The following ART3 variants were observed in gnomAD, a reference collection of about 807,000 sequenced individuals.
ART3 encodes the protein ecto-ADP-ribosyltransferase 3.
ART3 carries 49 observed loss-of-function variants against 48.5 expected under a neutral mutation model. That is an observed-to-expected ratio of 1.01 (90% CI 0.80 to 1.28). The LOEUF is 1.28. Ranked by LOEUF, ART3 falls within the 50% of genes most tolerant of loss-of-function variation. ART3 has a pLI of 0.00. For synonymous variants in ART3, 145 were observed against 157.2 expected (o/e 0.92, Z 0.58); for missense variants, 438 against 454.3 (o/e 0.96, Z 0.33).
At chr4:76,048,444 G>A (rs1307659377) in intron 1 of ART3, among the ~76,000 whole-genome samples, 1 of 151,800 alleles carries the variant, frequency 6.6e-6, no homozygotes, top group Non-Finnish European at 1.5e-5. Context: ...TGCATTTCAA[G>A]GGTGAGCCTG....
intron 3 of ART3, among the ~76,000 whole-genome samples, chr4:76,084,120 A>C (rs1229683754): frequency 6.6e-6 from 1 of 152,022 alleles, no homozygotes; most frequent in Non-Finnish European, 1.5e-5. Context: ...AGAAATATAA[A>C]TTTCTTCTTT....
At chr4:76,015,316 T>C (rs1243580011) in intron 1 of ART3, among the ~76,000 whole-genome samples, 2 of 152,186 alleles carry the variant, frequency 1.3e-5, no homozygotes, top group Non-Finnish European at 2.9e-5. Context: ...GCAGAGTGTG[T>C]TTGTTTACTG....
intron 1 of ART3, 27 bp from the exon 2 acceptor site, chr4:76,075,854 A>G: frequency 6.4e-7 from 1 of 1,572,976 alleles, no homozygotes; most frequent in Non-Finnish European, 8.7e-7. Context: ...GAGTCTACTG[A>G]ATTGAAATTT....
intron 1 of ART3, chr4:76,034,513 C>G (rs899972908): frequency 3.9e-6 from 2 of 518,428 alleles, no homozygotes; most frequent in Non-Finnish European, 3.3e-6. Context: ...TGGTAACCAG[C>G]CTTTCTTAAG....
chr4:76,107,994 G>T (rs751003569), intron 11 of ART3, among the ~76,000 whole-genome samples: 1 of 151,440 alleles, frequency 6.6e-6, no homozygotes, highest in East Asian at 1.9e-4. Context: ...TTCGATAATC[G>T]TTTTCCATTG....
At chr4:76,104,412 C>T in intron 9 of ART3, 185 bp from the exon 10 acceptor site, 1 of 985,376 alleles carries the variant, frequency 1.0e-6, no homozygotes, top group Non-Finnish European at 1.2e-6. Context: ...CAGAAGACTC[C>T]TCTAATCATG....
chr4:76,107,551 A>G (rs1233075249), intron 10 of ART3: 1 of 374,538 alleles, frequency 2.7e-6, no homozygotes, highest in South Asian at 6.9e-5. Context: ...TTTTATGTAA[A>G]CACATATTGA....
chr4:76,086,303 G>C (rs913413078), intron 3 of ART3, among the ~76,000 whole-genome samples: 1 of 152,184 alleles, frequency 6.6e-6, no homozygotes. Flanking sequence ...CTTAAAAAAA[G>C]AGAGAGATTC....
rs1009399106 is a variant in ART3 at position 76,082,145 on chromosome 4, T to A, written c.391T>A (p.Tyr131Asn). 2.5e-6 allele frequency: 4 copies of A among 1,614,102 alleles called. No homozygotes were observed. In the African/African-American group the frequency reaches 5.3e-5, roughly 22 times the overall value. ...MAGQSREDYI[Y>N]GFQFKAFHFY... Reference sequence around the variant, plus strand: ...TGGCCAATCTCGAGAAGATTATATCTATGGCTTCCAGTTCAAAGCTTTCCA... The same window carrying A: ...TGGCCAATCTCGAGAAGATTATATCAATGGCTTCCAGTTCAAAGCTTTCCA... The change falls in exon 3 of 12, where the codon TAT (tyrosine) becomes AAT (asparagine). Residue 131 changes from tyrosine to asparagine, a missense_variant. Transcript: ENST00000355810.
At chr4:76,096,387 A>G (rs573758596) in intron 3 of ART3, among the ~76,000 whole-genome samples, 3 of 152,354 alleles carry the variant, frequency 2.0e-5, no homozygotes, top group South Asian at 2.1e-4. Context: ...GACACTCACT[A>G]CAAATGGAGC....
intron 1 of ART3, among the ~76,000 whole-genome samples, chr4:76,018,433 T>C (rs1732456915): frequency 6.6e-6 from 1 of 152,090 alleles, no homozygotes; most frequent in African/African-American, 2.4e-5. Context: ...TGGGACCTAC[T>C]CGACAGTGGG....
At chr4:76,104,066 A>G (rs1727929000) in intron 9 of ART3, 97 bp downstream of exon 9, 4 of 1,316,364 alleles carry the variant, frequency 3.0e-6, no homozygotes, top group Non-Finnish European at 4.3e-6. Context: ...ATTATTCATG[A>G]ATATTTCCCT....
chr4:76,090,881 C>T (rs949376386), intron 3 of ART3, among the ~76,000 whole-genome samples: 11 of 152,288 alleles, frequency 7.2e-5, no homozygotes, highest in Non-Finnish European at 1.5e-4. Context: ...AAGTTTCATT[C>T]CTCTTTGCAA....
rs1419642054 is a variant in ART3 at position 76,100,274 on chromosome 4, T to A, written c.848-17T>A. 3.7e-6 allele frequency: 6 copies of A among 1,611,168 alleles called. No individual in the cohort carries two copies. The highest frequency in any genetic ancestry group is 1.7e-5 in the Admixed American group (1 of 59,888). On this transcript the variant is annotated splice_polypyrimidine_tract_variant and intron_variant, in intron 5 of 11. Transcript: ENST00000355810. The stretch of plus-strand genomic sequence containing the variant: ...GTTCCATTGTTAAAACTGATGAACT[T>A]CTTTTCTGTGACTCAGGTGAGAAAA...
chr4:76,075,771 A>G (rs558427179), intron 1 of ART3, 110 bp from the exon 2 acceptor site: 76 of 776,850 alleles, frequency 9.8e-5, no homozygotes, highest in African/African-American at 8.6e-4. Context: ...CCTGACCATC[A>G]TGCTATCCAC....
chr4:76,085,832 G>A (rs867203822), intron 3 of ART3, among the ~76,000 whole-genome samples: 8 of 152,158 alleles, frequency 5.3e-5, no homozygotes, highest in African/African-American at 1.9e-4. Flanking sequence ...AGCGCTTTGG[G>A]AGGCCGAGGC....
intron 1 of ART3, chr4:76,041,541 A>G (rs1232120130): frequency 1.3e-5 from 2 of 152,250 alleles, no homozygotes; most frequent in African/African-American, 2.4e-5. Context: ...TAAATATTCC[A>G]ATAGCCACAT....
intron 1 of ART3, among the ~76,000 whole-genome samples, chr4:76,019,255 A>G (rs1732540897): frequency 6.6e-6 from 1 of 151,750 alleles, no homozygotes; most frequent in African/African-American, 2.4e-5. Context: ...AAGCAGTACT[A>G]TTCTGGTGAT....
intron 1 of ART3, among the ~76,000 whole-genome samples, chr4:76,013,039 C>T (rs1560572076): frequency 6.6e-6 from 1 of 152,102 alleles, no homozygotes. Context: ...GTTCACAGTT[C>T]AGTGGGGGAA....
Sources: gnomAD v4.1 joint callset for allele counts (sites outside exome capture counted in the v4.1 genomes callset) on GRCh38, gnomAD v4.1.1 for gene constraint, MANE v1.5 for transcripts, NCBI Gene and HGNC (gene_info 2026-07-23, HGNC 2026-07-21) for gene names.